The following CDH23 variants were observed in gnomAD, a reference collection of about 807,000 sequenced individuals.
CDH23 encodes the protein cadherin-23.
In CDH23, 189 loss-of-function variants were observed where a neutral mutation model predicts 317.1. That is an observed-to-expected ratio of 0.60 (90% CI 0.53 to 0.67). The LOEUF is 0.67. CDH23 is among the 30% of genes least tolerant of loss of function. CDH23 has a pLI of 0.00. For synonymous variants in CDH23, 1,839 were observed against 1,876.8 expected (o/e 0.98, Z 0.52); for missense variants, 4,401 against 4,592.4 (o/e 0.96, Z 1.20).
intron 42 of CDH23, 71 bp downstream of exon 42, chr10:71,784,491 C>T: frequency 1.3e-6 from 2 of 1,557,248 alleles, no homozygotes; most frequent in African/African-American, 1.4e-5. Flanking sequence ...TTCTTGTAAA[C>T]ATTGTTACCC....
chr10:71,786,970 A>G (rs1841123301), intron 44 of CDH23, among the ~76,000 whole-genome samples: 1 of 151,194 alleles, frequency 6.6e-6, no homozygotes, highest in Non-Finnish European at 1.5e-5. Flanking sequence ...CTGAATGGGC[A>G]CTCCCCATCT....
chr10:71,641,390 G>A lies in CDH23; in HGVS notation c.1135-2471G>A, dbSNP rs554862173. 5.9e-5 allele frequency among the ~76,000 whole-genome samples: 9 copies of A among 152,332 alleles called. No individual in the cohort carries two copies. The East Asian group carries it at 1.5e-3, about 26-fold the overall frequency. ...CAAGGCCACCTCCCTCTCCCCTGCT[G>A]CAGAGCTCAGAGTGGCTCCGTCTCG... On this transcript the variant is annotated intron_variant, in intron 11 of 69. Transcript: ENST00000224721.
At chr10:71,515,351 GTCTGTT>G (rs1468967048) in intron 6 of CDH23, among the ~76,000 whole-genome samples, 1 of 129,288 alleles carries the variant, frequency 7.7e-6, no homozygotes, top group Admixed American at 7.8e-5. Context: ...ATGGATACCT[GTCTGTT>G]TCTCTCTCTC....
intron 2 of CDH23, among the ~76,000 whole-genome samples, chr10:71,443,953 T>G (rs1389970913): frequency 6.6e-6 from 1 of 152,248 alleles, no homozygotes; most frequent in Non-Finnish European, 1.5e-5. Flanking sequence ...CAGTGACTGA[T>G]TAGTGGCAGG....
At chr10:71,532,735 T>G (rs1319905298) in intron 6 of CDH23, among the ~76,000 whole-genome samples, 11 of 115,578 alleles carry the variant, frequency 9.5e-5, no homozygotes, top group South Asian at 3.0e-4. Flanking sequence ...TTGTTTTTTT[T>G]TTTTTTTTTT....
chr10:71,694,103 G>T, intron 20 of CDH23, 44 bp from the exon 21 acceptor site: 18 of 1,387,924 alleles, frequency 1.3e-5, no homozygotes, highest in South Asian at 3.5e-5. Context: ...CTCTCTCCCT[G>T]GCCCACCCAA....
At position 71,645,934 on chromosome 10, in the gene CDH23, TGGCCATCCCACTGGACTACGA is replaced by T. The variant is rs397517305; in HGVS notation, c.1246_1266del (p.Ala416_Glu422del). 2 of 1,613,554 alleles carry T rather than the reference TGGCCATCCCACTGGACTACGA, an allele frequency of 1.2e-6. No homozygotes were observed. Among genetic ancestry groups the T allele is most frequent in the Non-Finnish European group, 1.7e-6 (2 of 1,179,736 alleles). On this transcript the variant is annotated inframe_deletion, in exon 13 of 70. Transcript: ENST00000224721. ...GGGAAGGCGGACATTCGTATTCGGG[TGGCCATCCCACTGGACTACGA>T]GACCGTGGACCGCTACGACTTTGAT...
At chr10:71,446,189 C>A (rs1278828905) in intron 2 of CDH23, 129 bp from the exon 3 acceptor site, 3 of 851,314 alleles carry the variant, frequency 3.5e-6, no homozygotes, top group East Asian at 2.6e-5. Context: ...CTTCCAGGGT[C>A]CTGGGAAGTT....
chr10:71,531,814 G>A (rs1025576743), intron 6 of CDH23, among the ~76,000 whole-genome samples: 1 of 152,136 alleles, frequency 6.6e-6, no homozygotes, highest in Admixed American at 6.5e-5. Context: ...GTGCCTCAGG[G>A]TCAGCTTTGA....
At position 71,788,290 on chromosome 10, in the gene CDH23, T is replaced by C. The variant is rs541289912; in HGVS notation, c.5821-650T>C. Among the ~76,000 whole-genome samples the C allele has an allele frequency of 3.9e-5, 6 of 152,248 alleles. No individual in the cohort carries two copies. In the South Asian group the frequency reaches 1.0e-3, roughly 26 times the overall value. On this transcript the variant is annotated intron_variant, in intron 44 of 69. Transcript: ENST00000224721. ...GTCTCGAACTCCTGACCTTAAGTGA[T>C]CCGCCCACCTCAGACTCCCAAAGTG...
intron 3 of CDH23, among the ~76,000 whole-genome samples, chr10:71,505,203 G>A (rs544527868): frequency 6.6e-6 from 1 of 152,276 alleles, no homozygotes; most frequent in East Asian, 1.9e-4. Context: ...ATGCGTTATT[G>A]TCAACCAAGT....
chr10:71,722,482 G>A (rs7075202), intron 28 of CDH23, among the ~76,000 whole-genome samples: 5,590 of 152,288 alleles, frequency 0.037, 372 homozygotes, highest in African/African-American at 0.13. Context: ...TCCTCTCCCT[G>A]GAGCTCTGCT....
chr10:71,618,206 C>T (rs1318679014), intron 11 of CDH23, among the ~76,000 whole-genome samples: 1 of 152,058 alleles, frequency 6.6e-6, no homozygotes, highest in Non-Finnish European at 1.5e-5. Flanking sequence ...GGATCCCGGG[C>T]CATAAGAAGA....
At chr10:71,439,054 G>C (rs1289940441) in intron 1 of CDH23, among the ~76,000 whole-genome samples, 1 of 152,130 alleles carries the variant, frequency 6.6e-6, no homozygotes, top group Non-Finnish European at 1.5e-5. Context: ...CCATATGGGA[G>C]AGAGCTGTCT....
At chr10:71,520,411 A>C (rs1402713688) in intron 6 of CDH23, among the ~76,000 whole-genome samples, 1 of 152,106 alleles carries the variant, frequency 6.6e-6, no homozygotes, top group Non-Finnish European at 1.5e-5. Context: ...CCAGCCGCAC[A>C]CTCTGTGGGC....
At position 71,677,281 on chromosome 10, in the gene CDH23, C is replaced by T. The variant is rs1241425102; in HGVS notation, c.1515-175C>T. 2.6e-5 allele frequency among the ~76,000 whole-genome samples: 4 copies of T among 152,124 alleles called. No homozygotes were observed. The East Asian group carries it at 7.7e-4, about 29-fold the overall frequency. On this transcript the variant is annotated intron_variant, in intron 15 of 69. Coordinates refer to ENST00000224721, the MANE Select transcript of CDH23 (RefSeq NM_022124.6). Reference sequence around the variant, plus strand: ...GATCCTGATCCCCGCCACCCACCCACCCCCTTTAGAAATAGCAGCTCTTCT... The same window carrying T: ...GATCCTGATCCCCGCCACCCACCCATCCCCTTTAGAAATAGCAGCTCTTCT...
At chr10:71,742,805 A>G (rs1839772534) in intron 38 of CDH23, among the ~76,000 whole-genome samples, 1 of 152,244 alleles carries the variant, frequency 6.6e-6, no homozygotes, top group African/African-American at 2.4e-5. Context: ...AACAAAACAG[A>G]GGAGTAAAAC....
intron 11 of CDH23, among the ~76,000 whole-genome samples, chr10:71,642,505 T>TC (rs1192542393): frequency 2.1e-5 from 3 of 145,738 alleles, no homozygotes; most frequent in Admixed American, 7.1e-5. Flanking sequence ...TTCAAGCAAT[T>TC]CTCCTGTCTC....
intron 1 of CDH23, among the ~76,000 whole-genome samples, chr10:71,426,112 G>A (rs1849065568): frequency 6.6e-6 from 1 of 152,164 alleles, no homozygotes; most frequent in Non-Finnish European, 1.5e-5. Flanking sequence ...CAGTGAATTA[G>A]CCGGTGGAAG....
Sources: gnomAD v4.1 joint callset for allele counts (sites outside exome capture counted in the v4.1 genomes callset) on GRCh38, gnomAD v4.1.1 for gene constraint, MANE v1.5 for transcripts, NCBI Gene and HGNC (gene_info 2026-07-23, HGNC 2026-07-21) for gene names.